The following ANKRD7 variants were observed in gnomAD, a reference collection of about 807,000 sequenced individuals.
ANKRD7 encodes ankyrin repeat domain-containing protein 7.
A neutral mutation model predicts 30.8 loss-of-function variants in ANKRD7; 30 were observed. The ratio of observed to expected loss-of-function variants is 0.97; its 90% confidence interval spans 0.73 to 1.32. The LOEUF (loss-of-function observed/expected upper bound fraction) is 1.32. Ranked by LOEUF, ANKRD7 falls within the 40% of genes most tolerant of loss-of-function variation. ANKRD7 has a pLI of 0.00. For synonymous variants in ANKRD7, 97 were observed against 106.6 expected (o/e 0.91, Z 0.55); for missense variants, 264 against 295.7 (o/e 0.89, Z 0.79).
intron 1 of ANKRD7, chr7:118,227,924 A>C (rs766249182): frequency 7.5e-7 from 1 of 1,341,526 alleles, no homozygotes; most frequent in South Asian, 1.2e-5. Context: ...TTTTTTTAAC[A>C]AAAACAGTGT....
At chr7:118,228,017 C>A (rs534857106) in intron 1 of ANKRD7, 1 of 1,306,802 alleles carries the variant, frequency 7.7e-7, no homozygotes, top group Non-Finnish European at 1.0e-6. Flanking sequence ...AATGTGACTT[C>A]ATTCAGGGGT....
Position 118,236,888 on chromosome 7 carries a change from C to T in ANKRD7, c.674C>T (p.Ser225Leu). The T allele has an allele frequency of 6.2e-7, 1 of 1,613,952 alleles. No individual in the cohort carries two copies. Among genetic ancestry groups the T allele is most frequent in the Non-Finnish European group, 8.5e-7 (1 of 1,179,894 alleles). The change falls in exon 5 of 7, where the codon TCA (serine) becomes TTA (leucine). Residue 225 changes from serine (S) to leucine (L), a missense_variant. Ser to Leu is a moderately radical substitution (Grantham distance 145). Transcript: ENST00000265224. ...TTATGTTACGAAGGTATTGTGGATT[C>T]ACAGCTGAGGAATATGTTTATTTCC... ...VELCYEGIVD[S>L]QLRNMFISMV...
rs114353258 is a variant in ANKRD7 at position 118,239,893 on chromosome 7, G to A, written c.713-16G>A. On this transcript the variant is annotated splice_polypyrimidine_tract_variant and intron_variant, in intron 5 of 6. Coordinates refer to ENST00000265224, the MANE Select transcript of ANKRD7 (RefSeq NM_019644.4). ...TTTCTATGCATGCTGGCATTCACACGTAATTTCCTTTATAGATAGATACCC... is the reference window on the plus strand; with the variant it reads ...TTTCTATGCATGCTGGCATTCACACATAATTTCCTTTATAGATAGATACCC... The A allele has an allele frequency of 4.3e-4, 666 of 1,551,654 alleles. No individual in the cohort carries two copies. The African/African-American group carries it at 7.3e-3, about 17-fold the overall frequency.
intron 1 of ANKRD7, among the ~76,000 whole-genome samples, chr7:118,226,628 T>C (rs917697867): frequency 6.6e-6 from 1 of 152,162 alleles, no homozygotes; most frequent in African/African-American, 2.4e-5. Context: ...TTTCTTCACA[T>C]TGAGTAGATG....
chr7:118,242,386 T>G lies in ANKRD7; in HGVS notation c.*75T>G, dbSNP rs1189692200. Reference sequence around the variant, plus strand: ...TTTCTACAATTTCTTTGCCGCTTCCTTGAATTGGAAAAATGTACTTTGAAA... The same window carrying G: ...TTTCTACAATTTCTTTGCCGCTTCCGTGAATTGGAAAAATGTACTTTGAAA... On this transcript the variant is annotated 3_prime_UTR_variant, in exon 7 of 7. Coordinates refer to ENST00000265224, the MANE Select transcript of ANKRD7 (RefSeq NM_019644.4). 1.3e-5 allele frequency: 2 copies of G among 152,184 alleles called. No individual in the cohort carries two copies. The highest frequency in any genetic ancestry group is 4.8e-5 in the African/African-American group (2 of 41,450). The allele number at this position is 152,184 out of a possible 1,614,324, so 9.4% of individuals were successfully genotyped here. A position where few individuals can be genotyped will look rare whatever the true frequency, so the allele number is the denominator to read the frequency against.
chr7:118,240,339 A>C (rs1473874228), intron 6 of ANKRD7, among the ~76,000 whole-genome samples: 6 of 151,254 alleles, frequency 4.0e-5, no homozygotes, highest in Non-Finnish European at 7.4e-5. Context: ...CAGTCCCCAG[A>C]GTGTGATATT....
At chr7:118,239,727 A>G in intron 5 of ANKRD7, 182 bp from the exon 6 acceptor site, 1 of 360,154 alleles carries the variant, frequency 2.8e-6, no homozygotes, top group Non-Finnish European at 5.0e-6. Flanking sequence ...GTGCCAGAGA[A>G]TGGGAGTACA....
chr7:118,228,795 A>T (rs1161500577), intron 1 of ANKRD7, among the ~76,000 whole-genome samples: 1 of 152,134 alleles, frequency 6.6e-6, no homozygotes, highest in Non-Finnish European at 1.5e-5. Context: ...TGCCACCTTT[A>T]TAAGTACTAC....
rs769054984 is a variant in ANKRD7, at chr7:118,224,817, C to G, written c.-14C>G. The G allele has an allele frequency of 6.2e-7, 1 of 1,605,942 alleles. No homozygotes were observed. Among genetic ancestry groups the G allele is most frequent in the South Asian group, 1.1e-5 (1 of 90,240 alleles). On this transcript the variant is annotated 5_prime_UTR_variant, in exon 1 of 7. Coordinates refer to ENST00000265224, the MANE Select transcript of ANKRD7 (RefSeq NM_019644.4). ...ACATCCTGGTCTGAGGGAAAGGCTG[C>G]AGCCTGCACCGCCATGAATAAGCTT...
At position 118,241,521 on chromosome 7, in the gene ANKRD7, C is replaced by CTTTTTT. The variant is rs3061682; in HGVS notation, c.*38-805_*38-800dup. On this transcript the variant is annotated intron_variant, in intron 6 of 6. Transcript: ENST00000265224. The stretch of plus-strand genomic sequence containing the variant: ...TTAGGGGAGAATTTCTCTGAATTAC[C>CTTTTTT]TTTTTTTTTTTTTTTTTTTTTTTTT... Among the ~76,000 whole-genome samples the CTTTTTT allele has an allele frequency of 1.8e-3, 148 of 84,546 alleles. 6 individuals are homozygous for CTTTTTT. Among genetic ancestry groups the CTTTTTT allele is most frequent in the East Asian group, 3.4e-3 (9 of 2,656 alleles). 55.5% of individuals were successfully genotyped at this position (84,546 alleles called of 152,430 possible).
intron 4 of ANKRD7, among the ~76,000 whole-genome samples, chr7:118,236,443 A>G (rs540072998): frequency 3.9e-5 from 6 of 152,196 alleles, no homozygotes; most frequent in South Asian, 2.1e-4. Flanking sequence ...ACTCTTACAT[A>G]GATGACCAAC....
chr7:118,236,862 A>G lies in ANKRD7; in HGVS notation c.648A>G (p.Glu216=), dbSNP rs1393446012. 1 of 1,614,040 alleles carries G rather than the reference A, an allele frequency of 6.2e-7. No individual in the cohort carries two copies. The highest frequency in any genetic ancestry group is 1.1e-5 in the South Asian group (1 of 91,072). ...AGCTTCTTCTTCAGCAAGGTGTGGA[A>G]TTATGTTACGAAGGTATTGTGGATT... ...LVKLLLQQGV[E]LCYEGIVDSQ... Residue 216 remains glutamate (E), a synonymous_variant, in exon 5 of 7, where the codon GAA becomes GAG. Transcript: ENST00000265224.
chr7:118,229,192 T>C (rs985567749), intron 1 of ANKRD7, among the ~76,000 whole-genome samples: 1 of 152,026 alleles, frequency 6.6e-6, no homozygotes, highest in Non-Finnish European at 1.5e-5. Flanking sequence ...TTCCCTCAGA[T>C]AGTCATATGA....
chr7:118,229,152 G>A (rs1809591623), intron 1 of ANKRD7, among the ~76,000 whole-genome samples: 1 of 151,950 alleles, frequency 6.6e-6, no homozygotes, highest in South Asian at 2.1e-4. Flanking sequence ...AGGGTTTTTG[G>A]ACTAGCTGGT....
Position 118,236,118 on chromosome 7 carries a change from T to C in ANKRD7, c.546T>C (p.Ala182=). 10 of 1,600,466 alleles carry C rather than the reference T, an allele frequency of 6.2e-6. No homozygotes were observed. Among genetic ancestry groups the C allele is most frequent in the Non-Finnish European group, 7.7e-6 (9 of 1,171,240 alleles). The change falls in exon 4 of 7, where the codon GCT becomes GCC. Residue 182 remains alanine, a synonymous_variant. Transcript: ENST00000265224. ...TAAAATTTCTTCTGGAGAAAGGGGC[T>C]GATGTGAATGCTTCAGATAATTATC... ...KMVKFLLEKG[A]DVNASDNYQR...
chr7:118,235,232 A>G lies in ANKRD7; in HGVS notation c.468+358A>G, dbSNP rs192626318. Reference sequence around the variant, plus strand: ...TATTGATATACTCATGAATAATAATAACAGGGTTGAAATAGCAAATGACAC... The same window carrying G: ...TATTGATATACTCATGAATAATAATGACAGGGTTGAAATAGCAAATGACAC... On this transcript the variant is annotated intron_variant, in intron 3 of 6. Coordinates refer to ENST00000265224, the MANE Select transcript of ANKRD7 (RefSeq NM_019644.4). Among the ~76,000 whole-genome samples the G allele has an allele frequency of 2.3e-3, 350 of 152,314 alleles. 1 individual carries two copies. Among genetic ancestry groups the G allele is most frequent in the African/African-American group, 7.9e-3 (329 of 41,582 alleles).
Position 118,239,907 on chromosome 7 carries a change from A to C in ANKRD7, c.713-2A>C. ...GGCATTCACACGTAATTTCCTTTAT[A>C]GATAGATACCCACAATTCACTGCGA... On this transcript the variant is annotated splice_acceptor_variant, in intron 5 of 6. Transcript: ENST00000265224. LOFTEE classifies it high-confidence loss of function. 1 of 1,585,544 alleles carries C rather than the reference A, an allele frequency of 6.3e-7. No individual in the cohort carries two copies. The highest frequency in any genetic ancestry group is 8.6e-7 in the Non-Finnish European group (1 of 1,160,242).
chr7:118,232,917 G>T (rs1465325598), intron 1 of ANKRD7, among the ~76,000 whole-genome samples: 1 of 152,094 alleles, frequency 6.6e-6, no homozygotes, highest in Non-Finnish European at 1.5e-5. Flanking sequence ...GCTATCTACT[G>T]CAAGGGATTA....
intron 5 of ANKRD7, 120 bp downstream of exon 5, chr7:118,237,046 T>C (rs1287131630): frequency 9.9e-7 from 1 of 1,010,078 alleles, no homozygotes; most frequent in African/African-American, 1.6e-5. Flanking sequence ...CATACAAATC[T>C]GTGCAGGGAT....
Sources: gnomAD v4.1 joint callset for allele counts (sites outside exome capture counted in the v4.1 genomes callset) on GRCh38, gnomAD v4.1.1 for gene constraint, MANE v1.5 for transcripts, NCBI Gene and HGNC (gene_info 2026-07-23, HGNC 2026-07-21) for gene names.